The following VAMP4 variants were observed in gnomAD, a reference collection of about 807,000 sequenced individuals.
VAMP4 encodes the protein vesicle-associated membrane protein 4.
In VAMP4, 19 loss-of-function variants were observed where a neutral mutation model predicts 23.5. That is an observed-to-expected ratio of 0.81 (90% CI 0.56 to 1.19). The LOEUF (loss-of-function observed/expected upper bound fraction) is 1.19, where lower values mean the gene tolerates loss of function less well. Ranked by LOEUF, VAMP4 falls within the 50% of genes most tolerant of loss-of-function variation. The pLI is 0.00. For missense variants in VAMP4, 145 were observed against 168.6 expected (o/e 0.86, Z 0.78); for synonymous variants, 31 against 51.0 (o/e 0.61, Z 1.67).
chr1:171,718,512 T>C (rs1655091718), intron 4 of VAMP4, among the ~76,000 whole-genome samples: 2 of 152,160 alleles, frequency 1.3e-5, no homozygotes, highest in Admixed American at 1.3e-4. Context: ...GACACATTGA[T>C]TACAGCATAT....
At chr1:171,709,598 T>C in intron 6 of VAMP4, 67 bp downstream of exon 6, 1 of 1,498,742 alleles carries the variant, frequency 6.7e-7, no homozygotes, top group Non-Finnish European at 9.3e-7. Context: ...AGGCCCTTTT[T>C]TCTTCATGTG....
intron 4 of VAMP4, among the ~76,000 whole-genome samples, chr1:171,715,774 T>C (rs1655007595): frequency 6.6e-6 from 1 of 152,114 alleles, no homozygotes; most frequent in African/African-American, 2.4e-5. Flanking sequence ...TCTGGGAGAC[T>C]GAAGTGGGAG....
In VAMP4 at chr1:171,729,344, G is replaced by A. The variant is rs777735189; in HGVS notation, c.67-774C>T. Among the ~76,000 whole-genome samples the A allele has an allele frequency of 1.7e-4, 26 of 152,120 alleles. 2 individuals carry two copies. The highest frequency in any genetic ancestry group is 1.7e-3 in the Admixed American group (26 of 15,274). On this transcript the variant is annotated intron_variant, in intron 2 of 7. Coordinates refer to ENST00000236192, the MANE Select transcript of VAMP4 (RefSeq NM_003762.5). ...AAGGAAACATCTTGGGGATGGGACC[G>A]AAGTCTCAACACAAAATTCATTATG... is the stretch of plus-strand genomic sequence containing the variant.
chr1:171,712,927 C>G (rs1014818265), intron 4 of VAMP4, among the ~76,000 whole-genome samples: 34 of 152,128 alleles, frequency 2.2e-4, no homozygotes, highest in African/African-American at 7.2e-4. Flanking sequence ...GCATGCTTTA[C>G]CCCATTACTC....
At position 171,701,048 on chromosome 1, in the gene VAMP4, A is replaced by C. The variant is rs1016963414; in HGVS notation, c.*3458T>G. ...GGATCTAAACCCTACATCAATCTAA[A>C]GCATTTAGACAAATGCATTTTTAGA... On this transcript the variant is annotated 3_prime_UTR_variant, in exon 8 of 8. Transcript: ENST00000236192. 7 of 152,208 alleles carry C rather than the reference A, an allele frequency of 4.6e-5. No individual in the cohort carries two copies. Among genetic ancestry groups the C allele is most frequent in the Non-Finnish European group, 8.8e-5 (6 of 68,032 alleles). 9.4% of individuals were successfully genotyped at this position (152,208 alleles called of 1,614,324 possible). A position where few individuals can be genotyped will look rare whatever the true frequency, so the allele number is the denominator to read the frequency against.
intron 4 of VAMP4, among the ~76,000 whole-genome samples, chr1:171,711,175 C>T (rs965745172): frequency 6.6e-6 from 1 of 152,056 alleles, no homozygotes; most frequent in African/African-American, 2.4e-5. Context: ...ATTGAGGCAG[C>T]ACATAGACAC....
At position 171,701,746 on chromosome 1, in the gene VAMP4, A is replaced by C. The variant is rs1341377996; in HGVS notation, c.*2760T>G. 1.3e-5 allele frequency: 2 copies of C among 152,142 alleles called. No homozygotes were observed. The highest frequency in any genetic ancestry group is 2.9e-5 in the Non-Finnish European group (2 of 67,988). 9.4% of individuals were successfully genotyped at this position (152,142 alleles called of 1,614,324 possible). On this transcript the variant is annotated 3_prime_UTR_variant, in exon 8 of 8. Coordinates refer to ENST00000236192, the MANE Select transcript of VAMP4 (RefSeq NM_003762.5). Reference sequence around the variant, plus strand: ...TCAGTAATGAACTTTTATCTAATTAAGAAATCCCCCAGTTTATAAAATCTG... The same window carrying C: ...TCAGTAATGAACTTTTATCTAATTACGAAATCCCCCAGTTTATAAAATCTG...
intron 4 of VAMP4, among the ~76,000 whole-genome samples, chr1:171,714,597 C>T (rs1489021486): frequency 1.3e-5 from 2 of 152,102 alleles, no homozygotes; most frequent in African/African-American, 4.8e-5. Context: ...CATGGCAAAA[C>T]CCTGTCTCTA....
chr1:171,709,728 A>G lies in VAMP4; in HGVS notation c.282T>C (p.Asn94=), dbSNP rs757111450. ...LQDKSESLSD[N]ATAFSNRSKQ... ...TGGATCTGTTGCTAAAAGCTGTTGC[A>G]TTATCCGATAAGCTTTCTATATCAC... is the stretch of plus-strand genomic sequence containing the variant. Residue 94 remains asparagine (N), a synonymous_variant, in exon 6 of 8, where the codon AAT becomes AAC. Coordinates refer to ENST00000236192, the MANE Select transcript of VAMP4 (RefSeq NM_003762.5). The G allele has an allele frequency of 4.3e-6, 7 of 1,612,990 alleles. No homozygotes were observed. In the Admixed American group the frequency reaches 1.2e-4, roughly 27 times the overall value.
chr1:171,739,382 C>G (rs1227129250), intron 1 of VAMP4, among the ~76,000 whole-genome samples: 2 of 152,222 alleles, frequency 1.3e-5, no homozygotes, highest in Admixed American at 1.3e-4. Flanking sequence ...GGAGAGGGCA[C>G]AGAAGCTCTG....
intron 4 of VAMP4, among the ~76,000 whole-genome samples, chr1:171,718,117 T>C (rs1167094984): frequency 2.6e-5 from 4 of 152,194 alleles, no homozygotes; most frequent in Non-Finnish European, 5.9e-5. Context: ...GGTAATTTGT[T>C]ACATGGCAAT....
chr1:171,725,507 A>G (rs1386581775), intron 3 of VAMP4, among the ~76,000 whole-genome samples: 1 of 152,120 alleles, frequency 6.6e-6, no homozygotes, highest in Non-Finnish European at 1.5e-5. Context: ...GCTCTAGTCT[A>G]AGGCTTTTCA....
intron 1 of VAMP4, among the ~76,000 whole-genome samples, chr1:171,741,357 C>T (rs1197940468): frequency 2.0e-5 from 3 of 152,132 alleles, no homozygotes; most frequent in Non-Finnish European, 4.4e-5. Context: ...AATAAAGTGA[C>T]TTGGATGGAC....
At chr1:171,711,946 T>C (rs1357345649) in intron 4 of VAMP4, among the ~76,000 whole-genome samples, 3 of 152,266 alleles carry the variant, frequency 2.0e-5, no homozygotes, top group African/African-American at 7.2e-5. Context: ...TACCATTGTG[T>C]TATAATTACC....
chr1:171,706,328 A>G, intron 7 of VAMP4, 39 bp downstream of exon 7: 1 of 1,570,344 alleles, frequency 6.4e-7, no homozygotes, highest in Non-Finnish European at 8.7e-7. Flanking sequence ...CTCCAAAATA[A>G]ATGATACCCT....
At chr1:171,719,295 A>G (rs1157496249) in intron 3 of VAMP4, 74 bp from the exon 4 acceptor site, 1 of 1,266,982 alleles carries the variant, frequency 7.9e-7, no homozygotes, top group East Asian at 2.4e-5. Flanking sequence ...GATAGAAAGT[A>G]TACACAAATA....
chr1:171,714,574 C>A (rs980207203), intron 4 of VAMP4, among the ~76,000 whole-genome samples: 1 of 152,132 alleles, frequency 6.6e-6, no homozygotes, highest in Non-Finnish European at 1.5e-5. Context: ...GAGTTTGAGA[C>A]CAGACTCGCC....
At chr1:171,737,400 C>T (rs970597166) in intron 2 of VAMP4, among the ~76,000 whole-genome samples, 1 of 152,100 alleles carries the variant, frequency 6.6e-6, no homozygotes, top group African/African-American at 2.4e-5. Context: ...AAAATGTTGT[C>T]TTTTAAATGC....
At chr1:171,708,698 TAAAAAAAA>T (rs58332156) in intron 6 of VAMP4, among the ~76,000 whole-genome samples, 1 of 131,666 alleles carries the variant, frequency 7.6e-6, no homozygotes, top group Non-Finnish European at 1.6e-5. Context: ...CCGTCTCTAC[TAAAAAAAA>T]AAAAAACAAA....
Sources: gnomAD v4.1 joint callset for allele counts (sites outside exome capture counted in the v4.1 genomes callset) on GRCh38, gnomAD v4.1.1 for gene constraint, MANE v1.5 for transcripts, NCBI Gene and HGNC (gene_info 2026-07-23, HGNC 2026-07-21) for gene names.